Variants in PIR observed in about 807,000 individuals in gnomAD.
PIR encodes the protein pirin.
In PIR, 22 loss-of-function variants were observed where a neutral mutation model predicts 24.2. The ratio of observed to expected loss-of-function variants is 0.91; its 90% CI spans 0.65 to 1.30. The LOEUF (loss-of-function observed/expected upper bound fraction) is 1.30, where lower values mean the gene tolerates loss of function less well. Among genes scored for constraint, PIR ranks in the 50% most tolerant of loss-of-function variants. PIR has a pLI of 0.00. For synonymous variants in PIR, 80 were observed against 79.6 expected (o/e 1.00, Z -0.03); for missense variants, 220 against 220.3 (o/e 1.00, Z 0.01).
chrX:15,393,653 T>C (rs1368063471), intron 8 of PIR, among the ~76,000 whole-genome samples: 1 of 110,530 alleles, frequency 9.0e-6, no homozygotes, highest in African/African-American at 3.3e-5. Flanking sequence ...ACAAATCCTG[T>C]TGTGAACTGC....
At chrX:15,390,094 C>T in intron 9 of PIR, 91 bp downstream of exon 9, 2 of 423,549 alleles carry the variant, frequency 4.7e-6, no homozygotes, top group South Asian at 1.8e-4. Flanking sequence ...ACAAAAAAAA[C>T]CAGCTATTCT....
intron 2 of PIR, among the ~76,000 whole-genome samples, chrX:15,482,255 T>G (rs1026847260): frequency 8.9e-6 from 1 of 112,200 alleles, no homozygotes; most frequent in African/African-American, 3.2e-5. Context: ...TTCTTTTTCT[T>G]GTATTTTTAC....
At chrX:15,440,588 A>G (rs761507494) in intron 5 of PIR, among the ~76,000 whole-genome samples, 1 of 111,511 alleles carries the variant, frequency 9.0e-6, no homozygotes. Context: ...CCACTTGCCA[A>G]ACATGAAGTT....
In PIR at chrX:15,481,288, G is replaced by C. The variant is rs144907006; in HGVS notation, c.97-1467C>G. Among the ~76,000 whole-genome samples the C allele has an allele frequency of 2.7e-4, 30 of 112,374 alleles. No homozygotes were observed. The East Asian group carries it at 5.8e-3, about 22-fold the overall frequency. Reference sequence around the variant, plus strand: ...GATCAATCTCAAGCTCAAATGAGAGGTAGAAACATATCTGGTTGTCATCAA... The same window carrying C: ...GATCAATCTCAAGCTCAAATGAGAGCTAGAAACATATCTGGTTGTCATCAA... On this transcript the variant is annotated intron_variant, in intron 2 of 9. Transcript: ENST00000380420.
At position 15,458,875 on chromosome X, in the gene PIR, T is replaced by C. The variant is rs751160809; in HGVS notation, c.273+782A>G. 2.7e-5 allele frequency among the ~76,000 whole-genome samples: 3 copies of C among 112,559 alleles called. No individual in the cohort carries two copies. In the South Asian group the frequency reaches 1.1e-3, roughly 41 times the overall value. On this transcript the variant is annotated intron_variant, in intron 4 of 9. Coordinates refer to ENST00000380420, the MANE Select transcript of PIR (RefSeq NM_001018109.3). ...TCATCATATGTATCTTTGCAAGCAG[T>C]CTTCATTTCATGTTCTGCTCCAGTG...
chrX:15,403,591 CT>C (rs1180201435), intron 7 of PIR, among the ~76,000 whole-genome samples: 129 of 104,409 alleles, frequency 1.2e-3, no homozygotes, highest in African/African-American at 1.3e-3. Context: ...TTTCTTTTGA[CT>C]TTTTTTTTTT....
intron 6 of PIR, among the ~76,000 whole-genome samples, chrX:15,410,408 G>A (rs966993576): frequency 9.0e-6 from 1 of 111,685 alleles, no homozygotes; most frequent in Non-Finnish European, 1.9e-5. Flanking sequence ...TTTATACAAC[G>A]AATCCTCTAT....
chrX:15,477,565 G>C (rs1922260582), intron 3 of PIR, among the ~76,000 whole-genome samples: 1 of 111,976 alleles, frequency 8.9e-6, no homozygotes, highest in Non-Finnish European at 1.9e-5. Context: ...ATCTAAGACA[G>C]ATATTTTCTC....
chrX:15,457,045 G>C (rs1251086688), intron 4 of PIR, among the ~76,000 whole-genome samples: 1 of 112,357 alleles, frequency 8.9e-6, no homozygotes, highest in Non-Finnish European at 1.9e-5. Context: ...ACAAGTGAGA[G>C]AGTAGGGAAG....
At chrX:15,455,730 C>T in intron 5 of PIR, 118 bp downstream of exon 5, 1 of 571,056 alleles carries the variant, frequency 1.8e-6, no homozygotes, top group Non-Finnish European at 2.9e-6. Context: ...AACTATGAAT[C>T]AAGTCCATCC....
At chrX:15,414,242 A>G (rs1924840126) in intron 6 of PIR, among the ~76,000 whole-genome samples, 1 of 112,321 alleles carries the variant, frequency 8.9e-6, no homozygotes, top group South Asian at 3.7e-4. Flanking sequence ...AAATCGACAC[A>G]TAATAATTGT....
intron 1 of PIR, among the ~76,000 whole-genome samples, chrX:15,491,992 TTGTC>T (rs1328034375): frequency 4.6e-5 from 5 of 109,654 alleles, no homozygotes; most frequent in Admixed American, 9.6e-5. Context: ...AATGAACACT[TTGTC>T]TTTCTTACTT....
intron 6 of PIR, 35 bp from the exon 7 acceptor site, chrX:15,407,585 C>T (rs1924588674): frequency 1.9e-6 from 2 of 1,045,963 alleles, no homozygotes; most frequent in East Asian, 3.0e-5. Flanking sequence ...ATGTTAGTGT[C>T]CATAATGCCA....
intron 3 of PIR, among the ~76,000 whole-genome samples, chrX:15,469,581 C>T (rs912470062): frequency 9.0e-6 from 1 of 111,316 alleles, no homozygotes; most frequent in African/African-American, 3.3e-5. Flanking sequence ...GGGAGTAATT[C>T]GTGGAGGAGG....
At chrX:15,417,056 C>A in intron 6 of PIR, among the ~76,000 whole-genome samples, 1 of 111,547 alleles carries the variant, frequency 9.0e-6, no homozygotes, top group East Asian at 2.8e-4. Flanking sequence ...CTCAGCCAAT[C>A]CCCGCCCCCC....
At chrX:15,470,923 C>G (rs763536810) in intron 3 of PIR, among the ~76,000 whole-genome samples, 1 of 110,424 alleles carries the variant, frequency 9.1e-6, no homozygotes, top group Non-Finnish European at 1.9e-5. Context: ...CCCCACCCCC[C>G]CAACACTCAA....
chrX:15,427,956 TTGTC>T (rs1925375402), intron 5 of PIR, among the ~76,000 whole-genome samples: 1 of 110,520 alleles, frequency 9.0e-6, no homozygotes, highest in Non-Finnish European at 1.9e-5. Context: ...TCAAAATATA[TTGTC>T]TGTACATTAA....
At chrX:15,485,265 AT>A (rs752152455) in intron 2 of PIR, among the ~76,000 whole-genome samples, 2 of 112,041 alleles carry the variant, frequency 1.8e-5, no homozygotes, top group South Asian at 7.5e-4. Flanking sequence ...GCACCAACAA[AT>A]TTGGTGTCTG....
At chrX:15,489,115 T>C (rs1291209045) in intron 2 of PIR, among the ~76,000 whole-genome samples, 2 of 112,111 alleles carry the variant, frequency 1.8e-5, no homozygotes, top group African/African-American at 6.5e-5. Context: ...CCAATTGAAA[T>C]CAAAGTTATT....
Sources: gnomAD v4.1 joint callset for allele counts (sites outside exome capture counted in the v4.1 genomes callset) on GRCh38, gnomAD v4.1.1 for gene constraint, MANE v1.5 for transcripts, NCBI Gene and HGNC (gene_info 2026-07-23, HGNC 2026-07-21) for gene names.